Variants in LONP2 observed in about 807,000 individuals in gnomAD.
The protein encoded by LONP2 is lon peptidase 2, peroxisomal.
Under a neutral mutation model 85.6 loss-of-function variants are expected in LONP2, and 60 were observed. The ratio of observed to expected loss-of-function variants is 0.70; its 90% CI spans 0.57 to 0.87. LONP2 has a LOEUF of 0.87. Ranked by LOEUF, LONP2 falls within the 40% of genes least tolerant of loss-of-function variation. The probability of loss-of-function intolerance (pLI) is 0.00; values close to 1 mark genes in which losing one functional copy is unlikely to be tolerated. For missense variants in LONP2, 860 were observed against 1,063.5 expected, an observed-to-expected ratio of 0.81 and a Z score of 2.66; for synonymous variants, 395 against 389.7, an observed-to-expected ratio of 1.01 and a Z score of -0.16.
At chr16:48,255,745 A>T (rs1025482810) in intron 2 of LONP2, among the ~76,000 whole-genome samples, 14 of 152,068 alleles carry the variant, frequency 9.2e-5, no homozygotes, top group Non-Finnish European at 1.8e-4. Flanking sequence ...ACAAGATCAG[A>T]TGGTTATATA....
intron 8 of LONP2, among the ~76,000 whole-genome samples, chr16:48,293,300 C>T (rs1011053309): frequency 6.6e-6 from 1 of 151,996 alleles, no homozygotes; most frequent in African/African-American, 2.4e-5. Flanking sequence ...TGGTGGCGGG[C>T]GCCTGTAGTC....
intron 11 of LONP2, among the ~76,000 whole-genome samples, chr16:48,324,938 T>C (rs1973338806): frequency 6.6e-6 from 1 of 152,212 alleles, no homozygotes; most frequent in South Asian, 2.1e-4. Flanking sequence ...GTGGTAAGTA[T>C]ATTTAAAATT....
At chr16:48,341,888 C>G (rs1204493788) in intron 12 of LONP2, among the ~76,000 whole-genome samples, 1 of 152,180 alleles carries the variant, frequency 6.6e-6, no homozygotes, top group African/African-American at 2.4e-5. Context: ...TGCCCCGAAT[C>G]CGAGGAGGGG....
intron 7 of LONP2, among the ~76,000 whole-genome samples, chr16:48,274,744 A>G (rs887571323): frequency 3.3e-5 from 5 of 152,070 alleles, no homozygotes; most frequent in African/African-American, 1.2e-4. Context: ...ATGTTTTTCT[A>G]CCGTACAAAG....
At chr16:48,359,751 G>A (rs1251440339), downstream of LONP2, among the ~76,000 whole-genome samples, 4 of 151,480 alleles carry the variant, frequency 2.6e-5, no homozygotes, top group African/African-American at 7.3e-5. Context: ...ATTATAACCA[G>A]TTCAAAAGAT....
intron 12 of LONP2, among the ~76,000 whole-genome samples, chr16:48,341,783 A>G (rs1959817195): frequency 6.6e-6 from 1 of 152,206 alleles, no homozygotes; most frequent in African/African-American, 2.4e-5. Context: ...AGGTTACTAC[A>G]AAAAAAGTGG....
rs1950948395 is a variant in LONP2, at chr16:48,355,687, T to TATA, written c.*3889_*3891dup. The TATA allele has an allele frequency of 6.6e-6, 1 of 152,224 alleles. No individual in the cohort carries two copies. Among genetic ancestry groups the TATA allele is most frequent in the East Asian group, 1.9e-4 (1 of 5,196 alleles). The allele number at this position is 152,224 out of a possible 1,614,324, so 9.4% of individuals were successfully genotyped here. On this transcript the variant is annotated 3_prime_UTR_variant, in exon 15 of 15. Transcript: ENST00000285737. Reference sequence around the variant, plus strand: ...GCCAGCACTCATTTTCTGGGTTTTTTATAATAGCCCTCCAAATGGGTGTGA... The same window carrying TATA: ...GCCAGCACTCATTTTCTGGGTTTTTTATAATAATAGCCCTCCAAATGGGTGTGA...
At chr16:48,284,452 G>T (rs953097406) in intron 8 of LONP2, among the ~76,000 whole-genome samples, 2 of 151,988 alleles carry the variant, frequency 1.3e-5, no homozygotes, top group Non-Finnish European at 2.9e-5. Flanking sequence ...TTAAGAAATC[G>T]CCACAGCCAC....
At chr16:48,244,665 C>T (rs1034020216) in intron 1 of LONP2, 44 bp downstream of exon 1, 4 of 1,280,368 alleles carry the variant, frequency 3.1e-6, no homozygotes, top group East Asian at 3.1e-5. Flanking sequence ...GGCGCGGCCT[C>T]CTCCGGGGAC....
In LONP2 at chr16:48,269,199, TG is replaced by T. The variant is rs1186384121; in HGVS notation, c.983-816del. 7.9e-3 allele frequency among the ~76,000 whole-genome samples: 1,187 copies of T among 151,024 alleles called. 14 individuals carry two copies. Among genetic ancestry groups the T allele is most frequent in the African/African-American group, 0.027 (1,128 of 41,056 alleles). ...CAATTAGGCAATTCTTTACATCATC[TG>T]TTTTTTTTTTTTTTTTTGACCCAGC... On this transcript the variant is annotated intron_variant, in intron 6 of 14. Transcript: ENST00000285737.
chr16:48,290,189 G>C (rs1167579875), intron 8 of LONP2, among the ~76,000 whole-genome samples: 1 of 151,938 alleles, frequency 6.6e-6, no homozygotes, highest in Non-Finnish European at 1.5e-5. Context: ...TGTCTCTAAA[G>C]CCCTTTTTCT....
At chr16:48,272,618 A>G (rs995138143) in intron 7 of LONP2, among the ~76,000 whole-genome samples, 2 of 152,190 alleles carry the variant, frequency 1.3e-5, no homozygotes, top group Non-Finnish European at 2.9e-5. Flanking sequence ...AGAAACGTAT[A>G]TATGGAGGCT....
chr16:48,317,021 T>C (rs1458289552), intron 11 of LONP2, among the ~76,000 whole-genome samples: 1 of 152,198 alleles, frequency 6.6e-6, no homozygotes, highest in Non-Finnish European at 1.5e-5. Flanking sequence ...GACTCGTCAA[T>C]TTCAGTTTGG....
chr16:48,288,442 C>T (rs140721141), intron 8 of LONP2, among the ~76,000 whole-genome samples: 2,824 of 152,162 alleles, frequency 0.019, 51 homozygotes, highest in Non-Finnish European at 0.023. Context: ...CATGAGCCAC[C>T]GCGCCCAGTC....
intron 8 of LONP2, among the ~76,000 whole-genome samples, chr16:48,282,404 C>CT (rs1330247832): frequency 8.2e-6 from 1 of 122,018 alleles, no homozygotes; most frequent in Admixed American, 9.5e-5. Context: ...GAGCAAGACT[C>CT]TGTCTCAAAA....
chr16:48,263,061 C>A (rs1186524454), intron 6 of LONP2, among the ~76,000 whole-genome samples, 189 bp downstream of exon 6: 1 of 152,154 alleles, frequency 6.6e-6, no homozygotes, highest in Non-Finnish European at 1.5e-5. Context: ...GAATACATCT[C>A]AGTGAGTTTC....
In LONP2 at chr16:48,278,038, GT is replaced by G. The variant is rs368846522; in HGVS notation, c.1383+566del. Among the ~76,000 whole-genome samples, 295 of 149,838 alleles carry G rather than the reference GT, an allele frequency of 2.0e-3. 2 individuals are homozygous for G. In the East Asian group the frequency reaches 0.031, roughly 16 times the overall value. On this transcript the variant is annotated intron_variant, in intron 8 of 14. Transcript: ENST00000285737. ...AGAATTTTTTTCTTGTTTTTTTGTT[GT>G]TTTTTTCTTGTGAATACTAATACAT...
chr16:48,300,006 C>T (rs1042765060), intron 10 of LONP2, among the ~76,000 whole-genome samples: 8 of 152,154 alleles, frequency 5.3e-5, no homozygotes, highest in African/African-American at 9.7e-5. Context: ...TGATTTACAC[C>T]GTTCTCTACA....
chr16:48,342,244 TAAAG>T (rs941105449), intron 12 of LONP2, among the ~76,000 whole-genome samples: 2 of 152,050 alleles, frequency 1.3e-5, no homozygotes, highest in African/African-American at 4.8e-5. Flanking sequence ...GAGAAAATAA[TAAAG>T]GAAGAAGAGG....
Sources: allele counts gnomAD v4.1 joint callset (sites outside exome capture counted in the v4.1 genomes callset), GRCh38; gene constraint gnomAD v4.1.1; transcripts MANE v1.5; gene names NCBI Gene and HGNC (gene_info 2026-07-23, HGNC 2026-07-21).